Variants in GNA14 observed in about 807,000 individuals in gnomAD.
GNA14 encodes guanine nucleotide-binding protein subunit alpha-14.
GNA14 carries 50 observed loss-of-function variants against 42.0 expected under a neutral mutation model. The observed-to-expected ratio is 1.19, with a 90% CI of 0.95 to 1.51. The LOEUF (loss-of-function observed/expected upper bound fraction) is 1.51, where lower values mean the gene tolerates loss of function less well. Among genes scored for constraint, GNA14 ranks in the 40% most tolerant of loss-of-function variants. The pLI, the probability that GNA14 is intolerant of heterozygous loss-of-function variation, is 0.00. For synonymous variants in GNA14, 173 were observed against 163.1 expected, an observed-to-expected ratio of 1.06 and a Z score of -0.46; for missense variants, 473 against 446.2, an observed-to-expected ratio of 1.06 and a Z score of -0.54.
intron 2 of GNA14, among the ~76,000 whole-genome samples, chr9:77,493,046 T>TATA (rs1564030867): frequency 1.5e-5 from 2 of 136,592 alleles, no homozygotes; most frequent in East Asian, 2.1e-4. Context: ...TATATATATA[T>TATA]TTGGGAGATG....
At chr9:77,564,003 C>T (rs1822925128) in intron 1 of GNA14, among the ~76,000 whole-genome samples, 2 of 152,116 alleles carry the variant, frequency 1.3e-5, no homozygotes, top group African/African-American at 4.8e-5. Flanking sequence ...AAAAAGATGT[C>T]GACTCCATCC....
chr9:77,445,015 A>G (rs966502995), intron 2 of GNA14, among the ~76,000 whole-genome samples: 2 of 152,190 alleles, frequency 1.3e-5, no homozygotes, highest in African/African-American at 4.8e-5. Context: ...TAGGAATGAC[A>G]ACAGAGCCCC....
At chr9:77,494,160 C>T (rs1836832824) in intron 2 of GNA14, among the ~76,000 whole-genome samples, 1 of 152,074 alleles carries the variant, frequency 6.6e-6, no homozygotes, top group African/African-American at 2.4e-5. Context: ...TAAGCTCAGG[C>T]AATCTGCCCA....
chr9:77,512,601 T>C (rs1587809402), intron 2 of GNA14, among the ~76,000 whole-genome samples: 1 of 152,334 alleles, frequency 6.6e-6, no homozygotes. Flanking sequence ...CTGTAACTAT[T>C]TATGTATTCT....
intron 1 of GNA14, among the ~76,000 whole-genome samples, chr9:77,571,992 G>A (rs1178685820): frequency 6.6e-6 from 1 of 151,988 alleles, no homozygotes; most frequent in African/African-American, 2.4e-5. Flanking sequence ...TTTACATTGT[G>A]TAAATGTTGG....
At chr9:77,565,723 G>T (rs1464138971) in intron 1 of GNA14, among the ~76,000 whole-genome samples, 1 of 152,214 alleles carries the variant, frequency 6.6e-6, no homozygotes. Context: ...CTCTCAAAGT[G>T]CTGGGATTAG....
chr9:77,481,723 C>A (rs970030221), intron 2 of GNA14, among the ~76,000 whole-genome samples: 2 of 152,122 alleles, frequency 1.3e-5, no homozygotes, highest in Non-Finnish European at 2.9e-5. Context: ...CTTTATGAAT[C>A]TGGGTGCTCC....
At chr9:77,569,770 C>CTT (rs3052392) in intron 1 of GNA14, among the ~76,000 whole-genome samples, 1 of 142,944 alleles carries the variant, frequency 7.0e-6, no homozygotes, top group Non-Finnish European at 1.5e-5. Context: ...TCCTTTCTTT[C>CTT]TTTTTTTTTT....
chr9:77,567,933 T>C (rs4745647), intron 1 of GNA14, among the ~76,000 whole-genome samples: 67,613 of 151,944 alleles, frequency 0.44, 15,441 homozygotes, highest in Admixed American at 0.56. Flanking sequence ...CCGTATCTTG[T>C]TCTAAAATGA....
chr9:77,617,079 C>T (rs909117620), intron 1 of GNA14, among the ~76,000 whole-genome samples: 9 of 151,992 alleles, frequency 5.9e-5, no homozygotes, highest in African/African-American at 1.9e-4. Context: ...ACCATGTTAG[C>T]CAGGATGGTC....
At chr9:77,464,570 C>T (rs1013273345) in intron 2 of GNA14, among the ~76,000 whole-genome samples, 3 of 152,090 alleles carry the variant, frequency 2.0e-5, no homozygotes, top group African/African-American at 7.2e-5. Context: ...ATACAATTCC[C>T]ATACCACACA....
chr9:77,488,296 G>A (rs148708464), intron 2 of GNA14, among the ~76,000 whole-genome samples: 1 of 152,112 alleles, frequency 6.6e-6, no homozygotes, highest in African/African-American at 2.4e-5. Flanking sequence ...CCTGACTCAG[G>A]GTTTCTACAC....
chr9:77,558,381 T>C (rs1822824371), intron 1 of GNA14, among the ~76,000 whole-genome samples: 1 of 152,200 alleles, frequency 6.6e-6, no homozygotes, highest in Non-Finnish European at 1.5e-5. Context: ...GGGAGTTCAT[T>C]ATACTATTGC....
At chr9:77,540,169 T>C (rs1489014740) in intron 1 of GNA14, among the ~76,000 whole-genome samples, 1 of 152,200 alleles carries the variant, frequency 6.6e-6, no homozygotes, top group East Asian at 1.9e-4. Flanking sequence ...GTAGATTGTG[T>C]TTCCATTTTC....
intron 2 of GNA14, among the ~76,000 whole-genome samples, chr9:77,441,470 C>T (rs1052978469): frequency 8.5e-5 from 13 of 152,180 alleles, no homozygotes; most frequent in African/African-American, 2.9e-4. Flanking sequence ...ATTACCCAGT[C>T]TCCAGTATGT....
chr9:77,647,074 G>A (rs1270286060), intron 1 of GNA14, among the ~76,000 whole-genome samples: 1 of 152,210 alleles, frequency 6.6e-6, no homozygotes, highest in Non-Finnish European at 1.5e-5. Context: ...AGCAGCAACG[G>A]CATGGGCTTC....
At chr9:77,429,952 C>G (rs1457014389) in intron 4 of GNA14, among the ~76,000 whole-genome samples, 2 of 152,136 alleles carry the variant, frequency 1.3e-5, no homozygotes, top group East Asian at 3.9e-4. Flanking sequence ...ACACCAGTCC[C>G]TGAAGGCACT....
chr9:77,517,385 C>A (rs1265993020), intron 2 of GNA14: 2 of 151,882 alleles, frequency 1.3e-5, no homozygotes, highest in African/African-American at 4.8e-5. Context: ...CCCATTAATT[C>A]ATTGTTTCAA....
rs35597917 is a variant in GNA14 at position 77,576,788 on chromosome 9, T to TAA, written c.125-47537_125-47536dup. Among the ~76,000 whole-genome samples the TAA allele has an allele frequency of 1.1e-3, 162 of 148,772 alleles. No individual in the cohort carries two copies. The Middle Eastern group carries it at 0.017, about 16-fold the overall frequency. On this transcript the variant is annotated intron_variant, in intron 1 of 6. Coordinates refer to ENST00000341700, the MANE Select transcript of GNA14 (RefSeq NM_004297.4). The stretch of plus-strand genomic sequence containing the variant: ...ACTTGGTAACAAACGGTTAAAAGGT[T>TAA]AAAAAAAAAAAGAATGCTATACACC...
Sources: gnomAD v4.1 joint callset for allele counts (sites outside exome capture counted in the v4.1 genomes callset) on GRCh38, gnomAD v4.1.1 for gene constraint, MANE v1.5 for transcripts, NCBI Gene and HGNC (gene_info 2026-07-23, HGNC 2026-07-21) for gene names.